ZDHHC3: variants seen among roughly 807,000 people sequenced by gnomAD.
ZDHHC3 encodes the protein zDHHC palmitoyltransferase 3.
ZDHHC3 carries 9 observed loss-of-function variants against 30.6 expected under a neutral mutation model. That is an observed-to-expected ratio of 0.29 (90% confidence interval 0.18 to 0.51). ZDHHC3 has a LOEUF of 0.51. Ranked by LOEUF, ZDHHC3 falls within the 20% of genes least tolerant of loss-of-function variation. ZDHHC3 has a pLI of 0.97. For synonymous variants in ZDHHC3, 136 were observed against 140.2 expected, an observed-to-expected ratio of 0.97 and a Z score of 0.21; for missense variants, 246 against 384.2, an observed-to-expected ratio of 0.64 and a Z score of 3.01.
Position 44,921,161 on chromosome 3 carries a change from A to T in ZDHHC3, c.*5528T>A. ...TGGCCCAGGTCAGTCTGGGTGACAC[A>T]TGAGCTGTGATCTGTGAACAAACTC... On this transcript the variant is annotated 3_prime_UTR_variant, in exon 7 of 7. Coordinates refer to ENST00000424952, the MANE Select transcript of ZDHHC3 (RefSeq NM_001135179.2). The T allele has an allele frequency of 1.0e-6, 1 of 985,184 alleles. No homozygotes were observed. The highest frequency in any genetic ancestry group is 1.2e-6 in the Non-Finnish European group (1 of 829,932). 61.0% of individuals were successfully genotyped at this position (985,184 alleles called of 1,614,324 possible). A position where few individuals can be genotyped will look rare whatever the true frequency, so the allele number is the denominator to read the frequency against.
At position 44,921,696 on chromosome 3, in the gene ZDHHC3, T is replaced by G. The variant is rs537706519; in HGVS notation, c.*4993A>C. On this transcript the variant is annotated 3_prime_UTR_variant, in exon 7 of 7. Coordinates refer to ENST00000424952, the MANE Select transcript of ZDHHC3 (RefSeq NM_001135179.2). ...TCCATTAACTTTGTGATTTAGATTA[T>G]CATTCCCGTTTTCAGATGAAAAAAC... The G allele has an allele frequency of 5.2e-4, 503 of 966,682 alleles. No individual in the cohort carries two copies. The highest frequency in any genetic ancestry group is 6.0e-4 in the Non-Finnish European group (488 of 812,984). 59.9% of individuals were successfully genotyped at this position (966,682 alleles called of 1,614,324 possible). A position where few individuals can be genotyped will look rare whatever the true frequency, so the allele number is the denominator to read the frequency against.
intron 2 of ZDHHC3, among the ~76,000 whole-genome samples, chr3:44,958,318 T>G (rs892890462): frequency 6.6e-6 from 1 of 152,306 alleles, no homozygotes; most frequent in Non-Finnish European, 1.5e-5. Flanking sequence ...GCACTTTCCC[T>G]GGGGCTCACA....
chr3:44,973,230 G>A (rs1705549672), intron 1 of ZDHHC3, among the ~76,000 whole-genome samples: 1 of 152,150 alleles, frequency 6.6e-6, no homozygotes, highest in African/African-American at 2.4e-5. Flanking sequence ...AAATAATCTG[G>A]TGAATGTAAT....
In ZDHHC3 at chr3:44,917,681, C is replaced by T. The variant is rs1013742460; in HGVS notation, c.*9008G>A. The T allele has an allele frequency of 2.5e-6, 1 of 396,450 alleles. No homozygotes were observed. The highest frequency in any genetic ancestry group is 4.6e-6 in the Non-Finnish European group (1 of 218,220). The allele number at this position is 396,450 out of a possible 1,614,324, so 24.6% of individuals were successfully genotyped here. On this transcript the variant is annotated 3_prime_UTR_variant, in exon 7 of 7. Transcript: ENST00000424952. ...TCTTAGATGAACTCTGAGAAAGCCC[C>T]CATCCTCCTCTGATGTCCCCAGCCT...
chr3:44,935,066 T>A (rs942567332), intron 3 of ZDHHC3, among the ~76,000 whole-genome samples: 4 of 152,132 alleles, frequency 2.6e-5, no homozygotes, highest in African/African-American at 7.2e-5. Flanking sequence ...AGTAATAATA[T>A]GAAACAAGCG....
chr3:44,926,797 T>C lies in ZDHHC3; in HGVS notation c.792A>G (p.Lys264=). The C allele has an allele frequency of 6.2e-7, 1 of 1,613,534 alleles. No homozygotes were observed. The highest frequency in any genetic ancestry group is 1.7e-5 in the Admixed American group (1 of 59,836). Residue 264 remains lysine (K), a synonymous_variant, in exon 7 of 7, where the codon AAA becomes AAG. Coordinates refer to ENST00000424952, the MANE Select transcript of ZDHHC3 (RefSeq NM_001135179.2). The part of the protein sequence containing the change: ...KEERRWAKKT[K]WMNMKAVFGH... The stretch of plus-strand genomic sequence containing the variant: ...CAAAAACGGCTTTCATGTTCATCCA[T>C]TTTGTTTTTTTAGCCCATCTTCTCT...
At chr3:44,960,634 AC>A (rs554498397) in intron 1 of ZDHHC3, among the ~76,000 whole-genome samples, 63 of 152,342 alleles carry the variant, frequency 4.1e-4, no homozygotes, top group African/African-American at 1.4e-3. Context: ...TCAGTTAGAA[AC>A]TGTGATGGCT....
intron 2 of ZDHHC3, among the ~76,000 whole-genome samples, chr3:44,945,705 T>C (rs965487042): frequency 6.6e-6 from 1 of 151,844 alleles, no homozygotes; most frequent in Non-Finnish European, 1.5e-5. Context: ...TTATAGGTGC[T>C]CGCCACCACG....
intron 2 of ZDHHC3, among the ~76,000 whole-genome samples, chr3:44,954,778 T>G (rs1437425128): frequency 1.3e-5 from 2 of 152,078 alleles, no homozygotes; most frequent in African/African-American, 4.8e-5. Flanking sequence ...ATCTGTCACG[T>G]TTAAGCATCT....
In ZDHHC3 at chr3:44,923,351, C is replaced by G. The variant is rs1160583933; in HGVS notation, c.*3338G>C. 1 of 985,258 alleles carries G rather than the reference C, an allele frequency of 1.0e-6. No homozygotes were observed. Among genetic ancestry groups the G allele is most frequent in the South Asian group, 4.7e-5 (1 of 21,288 alleles). The allele number at this position is 985,258 out of a possible 1,614,324, so 61.0% of individuals were successfully genotyped here. A position where few individuals can be genotyped will look rare whatever the true frequency, so the allele number is the denominator to read the frequency against. ...TCGGCCTCCCAAAGTGCTGGGATTA[C>G]AGGCGTGAGGGATGTCCACAGTGAG... On this transcript the variant is annotated 3_prime_UTR_variant, in exon 7 of 7. Transcript: ENST00000424952.
At position 44,920,949 on chromosome 3, in the gene ZDHHC3, G is replaced by A. The variant is rs1700548347; in HGVS notation, c.*5740C>T. The stretch of plus-strand genomic sequence containing the variant: ...ATGGGCTGAGGGCTGCTTTTTCCTG[G>A]TAGGACTCAATTTTGAGTTTTGTGT... On this transcript the variant is annotated 3_prime_UTR_variant, in exon 7 of 7. Transcript: ENST00000424952. 3 of 985,432 alleles carry A rather than the reference G, an allele frequency of 3.0e-6. No individual in the cohort carries two copies. The highest frequency in any genetic ancestry group is 3.6e-6 in the Non-Finnish European group (3 of 829,928). 61.0% of individuals were successfully genotyped at this position (985,432 alleles called of 1,614,324 possible).
At chr3:44,975,902 AC>A (rs1705937489) in intron 1 of ZDHHC3, 30 bp downstream of exon 1, 1 of 200,486 alleles carries the variant, frequency 5.0e-6, no homozygotes, top group South Asian at 1.3e-4. Flanking sequence ...CAGCTTCTTC[AC>A]CCCTACCCCA....
intron 2 of ZDHHC3, among the ~76,000 whole-genome samples, 157 bp downstream of exon 2, chr3:44,958,974 C>T (rs1027648885): frequency 6.6e-6 from 1 of 152,236 alleles, no homozygotes; most frequent in Non-Finnish European, 1.5e-5. Flanking sequence ...CAGAATTCCA[C>T]AGAACTCTGA....
chr3:44,958,947 G>T (rs1240201740), intron 2 of ZDHHC3, among the ~76,000 whole-genome samples, 184 bp downstream of exon 2: 2 of 152,208 alleles, frequency 1.3e-5, no homozygotes, highest in South Asian at 2.1e-4. Context: ...TACAGGTGTT[G>T]ACCCCTCTTC....
At chr3:44,958,383 T>TA (rs1049515284) in intron 2 of ZDHHC3, among the ~76,000 whole-genome samples, 4 of 152,138 alleles carry the variant, frequency 2.6e-5, no homozygotes, top group African/African-American at 7.2e-5. Context: ...TTCCCTCTCT[T>TA]AAACACACAC....
chr3:44,961,265 G>A (rs765553134), intron 1 of ZDHHC3, among the ~76,000 whole-genome samples: 46 of 152,136 alleles, frequency 3.0e-4, no homozygotes, highest in Admixed American at 2.0e-4. Flanking sequence ...GGTGGCAGTC[G>A]CCTGTAGTCC....
At chr3:44,961,034 C>T (rs749308467) in intron 1 of ZDHHC3, among the ~76,000 whole-genome samples, 27 of 152,196 alleles carry the variant, frequency 1.8e-4, no homozygotes, top group Admixed American at 6.5e-5. Context: ...AAAGGAATAT[C>T]GACTCAGCAA....
At chr3:44,954,412 C>T (rs1703745373) in intron 2 of ZDHHC3, among the ~76,000 whole-genome samples, 1 of 152,144 alleles carries the variant, frequency 6.6e-6, no homozygotes, top group African/African-American at 2.4e-5. Flanking sequence ...GTATTCAGTA[C>T]AGTAACACGT....
chr3:44,917,924 C>T lies in ZDHHC3; in HGVS notation c.*8765G>A, dbSNP rs189119439. 110 of 1,304,810 alleles carry T rather than the reference C, an allele frequency of 8.4e-5. No individual in the cohort carries two copies. Among genetic ancestry groups the T allele is most frequent in the Admixed American group, 2.1e-4 (9 of 43,578 alleles). The allele number at this position is 1,304,810 out of a possible 1,614,324, so 80.8% of individuals were successfully genotyped here. A position where few individuals can be genotyped will look rare whatever the true frequency, so the allele number is the denominator to read the frequency against. On this transcript the variant is annotated 3_prime_UTR_variant, in exon 7 of 7. Transcript: ENST00000424952. ...TCATCTGTCACCTCCACAGAGTCCT[C>T]GTCCTTTGTCTCCTCTGATGGATCC...
Sources: gnomAD v4.1 joint callset for allele counts (sites outside exome capture counted in the v4.1 genomes callset) on GRCh38, gnomAD v4.1.1 for gene constraint, MANE v1.5 for transcripts, NCBI Gene and HGNC (gene_info 2026-07-23, HGNC 2026-07-21) for gene names.